The following TIMM23 variants were observed in gnomAD, a reference collection of about 807,000 sequenced individuals.
TIMM23 encodes mitochondrial import inner membrane translocase subunit Tim23.
Under a neutral mutation model 30.7 loss-of-function variants are expected in TIMM23, and 19 were observed. The ratio of observed to expected loss-of-function variants is 0.62; its 90% CI spans 0.43 to 0.91. The LOEUF is 0.91. Ranked by LOEUF, TIMM23 falls within the 40% of genes least tolerant of loss-of-function variation. The pLI, the probability that TIMM23 is intolerant of heterozygous loss-of-function variation, is 0.00. For missense variants in TIMM23, 202 were observed against 269.2 expected, an observed-to-expected ratio of 0.75 and a Z score of 1.75; for synonymous variants, 78 against 98.5, an observed-to-expected ratio of 0.79 and a Z score of 1.23.
chr10:45,994,358 T>TAA (rs1838263538), intron 6 of TIMM23, among the ~76,000 whole-genome samples: 1 of 149,198 alleles, frequency 6.7e-6, no homozygotes, highest in Non-Finnish European at 1.5e-5. Flanking sequence ...AAAATAAAAA[T>TAA]AAATAAATGA....
At chr10:45,989,814 C>G (rs1838102315) in intron 6 of TIMM23, among the ~76,000 whole-genome samples, 1 of 152,154 alleles carries the variant, frequency 6.6e-6, no homozygotes, top group South Asian at 2.1e-4. Context: ...AGATAATTCT[C>G]TTCTGTGATA....
chr10:45,996,824 G>T (rs879157021), intron 6 of TIMM23, among the ~76,000 whole-genome samples: 2,620 of 150,530 alleles, frequency 0.017, 38 homozygotes, highest in African/African-American at 0.04. Flanking sequence ...AATTAGCCGG[G>T]CTTGGTGGTG....
intron 6 of TIMM23, among the ~76,000 whole-genome samples, chr10:46,001,309 CTT>C (rs2132287917): frequency 6.6e-6 from 1 of 152,256 alleles, no homozygotes; most frequent in African/African-American, 2.4e-5. Flanking sequence ...TCATGTTATA[CTT>C]TTAGTGGGGT....
At position 45,988,730 on chromosome 10, in the gene TIMM23, T is replaced by G; in HGVS notation, c.404-7T>G. On this transcript the variant is annotated splice_region_variant and splice_polypyrimidine_tract_variant and intron_variant, in intron 5 of 6. Transcript: ENST00000580018. ...TTTGTCACTGAGCACTTCCATTTCC[T>G]CTTTAGCTTTGCTCTATAGTGCATT... The G allele has an allele frequency of 6.2e-7, 1 of 1,613,790 alleles. No individual in the cohort carries two copies. Among genetic ancestry groups the G allele is most frequent in the Non-Finnish European group, 8.5e-7 (1 of 1,179,746 alleles).
intron 1 of TIMM23, 27 bp from the exon 2 acceptor site, chr10:45,975,427 C>T (rs1390441792): frequency 1.2e-6 from 2 of 1,613,340 alleles, no homozygotes; most frequent in African/African-American, 2.7e-5. Context: ...AATTTTGTTG[C>T]AATGTGACAT....
At chr10:45,974,145 A>G (rs1201854861) in intron 1 of TIMM23, among the ~76,000 whole-genome samples, 6 of 141,476 alleles carry the variant, frequency 4.2e-5, no homozygotes, top group South Asian at 2.2e-4. Context: ...GGGCAGGACT[A>G]TAGTGGTTTT....
intron 6 of TIMM23, among the ~76,000 whole-genome samples, chr10:45,989,943 T>A (rs1838105452): frequency 1.3e-5 from 2 of 152,190 alleles, no homozygotes; most frequent in Non-Finnish European, 2.9e-5. Context: ...ATACGTGATT[T>A]TTTAAGTCAA....
rs1484766118 is a variant in TIMM23 at position 45,986,962 on chromosome 10, G to A, written c.403+1521G>A. 1.5e-3 allele frequency among the ~76,000 whole-genome samples: 233 copies of A among 152,256 alleles called. 2 individuals carry two copies. Among genetic ancestry groups the A allele is most frequent in the African/African-American group, 5.2e-3 (216 of 41,544 alleles). On this transcript the variant is annotated intron_variant, in intron 5 of 6. Coordinates refer to ENST00000580018, the MANE Select transcript of TIMM23 (RefSeq NM_006327.4). ...ATGTTTCTTCTGAATTCTTCCAGGC[G>A]TTTCTCTGCATAGCCAGTCAGTCGT...
At chr10:45,998,079 A>G (rs1334392543) in intron 6 of TIMM23, among the ~76,000 whole-genome samples, 1 of 152,132 alleles carries the variant, frequency 6.6e-6, no homozygotes, top group Non-Finnish European at 1.5e-5. Context: ...CTGCCTGTTT[A>G]TTTGCTGTGA....
chr10:46,001,614 G>A (rs1407247913), intron 6 of TIMM23, among the ~76,000 whole-genome samples: 7 of 151,982 alleles, frequency 4.6e-5, no homozygotes, highest in East Asian at 1.9e-4. Flanking sequence ...TGACAGGCAC[G>A]GAGCTAAAAG....
chr10:45,996,546 C>T (rs1838339193), intron 6 of TIMM23, among the ~76,000 whole-genome samples: 1 of 151,904 alleles, frequency 6.6e-6, no homozygotes, highest in African/African-American at 2.4e-5. Flanking sequence ...AGGTATAATT[C>T]AGTGAATGTT....
intron 6 of TIMM23, among the ~76,000 whole-genome samples, chr10:45,997,530 C>T (rs901160170): frequency 6.6e-6 from 1 of 152,106 alleles, no homozygotes; most frequent in Non-Finnish European, 1.5e-5. Context: ...GATGTTGGTA[C>T]ACAGAGCACC....
chr10:45,989,881 G>A (rs1187409513), intron 6 of TIMM23, among the ~76,000 whole-genome samples: 3 of 152,054 alleles, frequency 2.0e-5, no homozygotes, highest in Admixed American at 6.6e-5. Flanking sequence ...CTTTTTTATT[G>A]TGTTGATACA....
rs1554911963 is a variant in TIMM23, at chr10:45,972,663, G to A, written c.39G>A (p.Gly13=). 2 of 1,614,022 alleles carry A rather than the reference G, an allele frequency of 1.2e-6. No homozygotes were observed. The highest frequency in any genetic ancestry group is 2.2e-5 in the East Asian group (1 of 44,888). ...GGGGSGNKTT[G]GLAGFFGAGG... Reference sequence around the variant, plus strand: ...GGGGAAGCGGCAACAAAACCACAGGGGGATTGGCCGGCTTTTTCGGAGCCG... The same window carrying A: ...GGGGAAGCGGCAACAAAACCACAGGAGGATTGGCCGGCTTTTTCGGAGCCG... Residue 13 remains glycine (G), a synonymous_variant, in exon 1 of 7, where the codon GGG becomes GGA. Transcript: ENST00000580018.
intron 6 of TIMM23, chr10:45,992,613 A>C: frequency 2.4e-6 from 1 of 424,120 alleles, no homozygotes; most frequent in East Asian, 7.1e-5. Context: ...GCTGCAGTGC[A>C]GTGGCACAAT....
intron 2 of TIMM23, among the ~76,000 whole-genome samples, chr10:45,977,973 GTGAGCCAAGATCGCGCCACCCGCAC>G (rs1837724796): frequency 6.6e-6 from 1 of 152,014 alleles, no homozygotes; most frequent in East Asian, 1.9e-4. Context: ...AGAGGTTGCG[GTGAGCCAAGATCGCGCCACCCGCAC>G]TTCAGCCTGG....
intron 6 of TIMM23, among the ~76,000 whole-genome samples, chr10:45,997,811 A>T (rs1236962572): frequency 6.6e-6 from 1 of 152,238 alleles, no homozygotes; most frequent in Non-Finnish European, 1.5e-5. Flanking sequence ...TCTCAGAAGA[A>T]AAAATAAAGG....
intron 2 of TIMM23, among the ~76,000 whole-genome samples, chr10:45,977,497 A>G (rs587631528): frequency 7.2e-5 from 11 of 152,340 alleles, no homozygotes; most frequent in African/African-American, 1.9e-4. Flanking sequence ...ATCCATATGC[A>G]TAAGAATGAA....
intron 6 of TIMM23, among the ~76,000 whole-genome samples, chr10:45,997,504 G>T (rs1040132502): frequency 6.6e-6 from 1 of 152,208 alleles, no homozygotes; most frequent in Non-Finnish European, 1.5e-5. Flanking sequence ...AAGATGAAAA[G>T]AGTCCTCTGA....
Sources: allele counts gnomAD v4.1 joint callset (sites outside exome capture counted in the v4.1 genomes callset), GRCh38; gene constraint gnomAD v4.1.1; transcripts MANE v1.5; gene names NCBI Gene and HGNC (gene_info 2026-07-23, HGNC 2026-07-21).